GPHN: variants seen among roughly 807,000 people sequenced by gnomAD.
GPHN encodes gephyrin.
Under a neutral mutation model 95.5 loss-of-function variants are expected in GPHN, and 17 were observed. That is an observed-to-expected ratio of 0.18 (90% confidence interval 0.12 to 0.27). The LOEUF is 0.27. GPHN is among the 10% of genes least tolerant of loss of function. GPHN has a pLI of 1.00. For synonymous variants in GPHN, 320 were observed against 322.5 expected, an observed-to-expected ratio of 0.99 and a Z score of 0.08; for missense variants, 660 against 978.1, an observed-to-expected ratio of 0.67 and a Z score of 4.34.
chr14:66,883,410 T>A (rs924033009), intron 5 of GPHN, among the ~76,000 whole-genome samples: 2 of 152,080 alleles, frequency 1.3e-5, no homozygotes, highest in African/African-American at 4.8e-5. Flanking sequence ...TTTTTACATT[T>A]ATTTCAAAAG....
At chr14:67,165,031 G>T in intron 19 of GPHN, 131 bp from the exon 20 acceptor site, 1 of 691,116 alleles carries the variant, frequency 1.4e-6, no homozygotes, top group South Asian at 1.6e-5. Context: ...AGAGTATAAA[G>T]ATGTAAAGGC....
intron 3 of GPHN, among the ~76,000 whole-genome samples, chr14:66,802,787 C>T (rs183838694): frequency 6.8e-4 from 103 of 152,270 alleles, no homozygotes; most frequent in Non-Finnish European, 1.2e-3. Flanking sequence ...ATGACTCTGA[C>T]CAGTGCCCTA....
the GPHN span, among the ~76,000 whole-genome samples, chr14:67,563,731 CTTT>C: frequency 1.8e-4 from 16 of 86,814 alleles, no homozygotes; most frequent in East Asian, 5.8e-4. Flanking sequence ...CTGAGCCTGG[CTTT>C]TTTTTTTTTT....
At chr14:66,934,979 A>T (rs2067030590) in intron 8 of GPHN, among the ~76,000 whole-genome samples, 2 of 152,200 alleles carry the variant, frequency 1.3e-5, no homozygotes, top group African/African-American at 4.8e-5. Context: ...CTGAAGTTTC[A>T]TATTTCAGTA....
chr14:67,643,892 T>C, the GPHN span, among the ~76,000 whole-genome samples: 1 of 135,404 alleles, frequency 7.4e-6, no homozygotes, highest in African/African-American at 2.7e-5. Flanking sequence ...AGACTCAGGT[T>C]GAAGAAAACG....
chr14:67,584,734 G>A, the GPHN span, among the ~76,000 whole-genome samples: 18 of 152,212 alleles, frequency 1.2e-4, no homozygotes, highest in Admixed American at 1.0e-3. Flanking sequence ...TATAAGAAGT[G>A]AGAAAATCAG....
chr14:67,388,464 G>A, the GPHN span, among the ~76,000 whole-genome samples: 1 of 152,216 alleles, frequency 6.6e-6, no homozygotes, highest in South Asian at 2.1e-4. Flanking sequence ...GCATGCATCA[G>A]TAAGGAAGCT....
At chr14:67,004,966 G>C (rs1174715188) in intron 9 of GPHN, among the ~76,000 whole-genome samples, 1 of 151,598 alleles carries the variant, frequency 6.6e-6, no homozygotes, top group Non-Finnish European at 1.5e-5. Context: ...CGGCTTTATT[G>C]AGTTACCTAA....
At chr14:67,626,716 T>C in the GPHN span, among the ~76,000 whole-genome samples, 1 of 152,140 alleles carries the variant, frequency 6.6e-6, no homozygotes, top group Non-Finnish European at 1.5e-5. Context: ...TGCCTCAGCC[T>C]CCCAAAGTGC....
At chr14:66,666,259 A>G (rs1054742637) in intron 1 of GPHN, among the ~76,000 whole-genome samples, 2 of 150,440 alleles carry the variant, frequency 1.3e-5, no homozygotes, top group Non-Finnish European at 1.5e-5. Flanking sequence ...ATAAAAATAT[A>G]TATATATAAA....
intron 9 of GPHN, among the ~76,000 whole-genome samples, chr14:67,021,739 A>G (rs1306914137): frequency 1.3e-5 from 2 of 152,040 alleles, no homozygotes; most frequent in Non-Finnish European, 2.9e-5. Flanking sequence ...TCTTGTTTCT[A>G]TCCATACACT....
intron 2 of GPHN, among the ~76,000 whole-genome samples, chr14:66,714,231 G>GTATTT (rs2069945406): frequency 6.6e-6 from 1 of 152,096 alleles, no homozygotes; most frequent in Non-Finnish European, 1.5e-5. Flanking sequence ...GGATTCCTAA[G>GTATTT]TATTTTATTT....
the GPHN span, among the ~76,000 whole-genome samples, chr14:67,206,299 A>C: frequency 6.6e-6 from 1 of 152,124 alleles, no homozygotes; most frequent in Non-Finnish European, 1.5e-5. Context: ...AGGAGTTGAG[A>C]CTAGCCTGGC....
chr14:66,693,663 C>G (rs2067931923), intron 2 of GPHN, among the ~76,000 whole-genome samples: 2 of 152,120 alleles, frequency 1.3e-5, no homozygotes, highest in South Asian at 4.1e-4. Context: ...GAGGGCAGAT[C>G]TTACTTACTC....
At chr14:67,287,431 A>G in the GPHN span, among the ~76,000 whole-genome samples, 1 of 152,202 alleles carries the variant, frequency 6.6e-6, no homozygotes, top group African/African-American at 2.4e-5. Flanking sequence ...TACTTATTAA[A>G]AAGCACTCTA....
intron 12 of GPHN, among the ~76,000 whole-genome samples, chr14:67,092,953 A>C (rs3784077): frequency 0.066 from 10,095 of 152,164 alleles, 356 homozygotes; most frequent in Middle Eastern, 0.085. Flanking sequence ...TGACTATTTT[A>C]TCACACTTTC....
chr14:67,571,608 CCTTA>C, the GPHN span: 1 of 718,486 alleles, frequency 1.4e-6, no homozygotes, highest in East Asian at 2.6e-5. Flanking sequence ...CCAGGAGGGA[CCTTA>C]CACTGGACAG....
intron 5 of GPHN, among the ~76,000 whole-genome samples, chr14:66,885,271 G>A (rs1365348554): frequency 6.6e-6 from 1 of 151,956 alleles, no homozygotes. Flanking sequence ...TCTCCACCTG[G>A]ACAACCGTTT....
chr14:66,924,747 T>C lies in GPHN; in HGVS notation c.828+455T>C, dbSNP rs544668657. ...TTGCATCTCATTTTTTTTTCATTCATTGAGCTCTCATTACAACCATTGCAG... is the reference window on the plus strand; with the variant it reads ...TTGCATCTCATTTTTTTTTCATTCACTGAGCTCTCATTACAACCATTGCAG... On this transcript the variant is annotated intron_variant, in intron 8 of 22. Coordinates refer to ENST00000478722, the MANE Select transcript of GPHN (RefSeq NM_020806.5). Among the ~76,000 whole-genome samples, 32 of 152,220 alleles carry C rather than the reference T, an allele frequency of 2.1e-4. No individual in the cohort carries two copies. In the South Asian group the frequency reaches 6.6e-3, roughly 32 times the overall value.
Sources: allele counts gnomAD v4.1 joint callset (sites outside exome capture counted in the v4.1 genomes callset), GRCh38; gene constraint gnomAD v4.1.1; transcripts MANE v1.5; gene names NCBI Gene and HGNC (gene_info 2026-07-23, HGNC 2026-07-21).